NUTM2E: variants seen among roughly 807,000 people sequenced by gnomAD.
The protein encoded by NUTM2E is NUT family member 2E.
Under a neutral mutation model 26.1 loss-of-function variants are expected in NUTM2E, and 3 were observed. That is an observed-to-expected ratio of 0.12 (90% CI 0.05 to 0.30). The LOEUF (loss-of-function observed/expected upper bound fraction) is 0.30, where lower values mean the gene tolerates loss of function less well. Ranked by LOEUF, NUTM2E falls within the 10% of genes least tolerant of loss-of-function variation. The pLI, the probability that NUTM2E is intolerant of heterozygous loss-of-function variation, is 1.00. For missense variants in NUTM2E, 62 were observed against 381.3 expected (o/e 0.16, Z 6.97); for synonymous variants, 13 against 157.5 (o/e 0.08, Z 6.87).
chr10:79,831,330 T>C (rs1447380217), intron 1 of NUTM2E, among the ~76,000 whole-genome samples: 2 of 151,352 alleles, frequency 1.3e-5, no homozygotes. Flanking sequence ...CATTATATAC[T>C]TAAAATACTT....
chr10:79,836,924 C>T (rs186599868), intron 1 of NUTM2E, among the ~76,000 whole-genome samples: 152 of 152,008 alleles, frequency 1.0e-3, no homozygotes, highest in African/African-American at 3.5e-3. Flanking sequence ...TACTCTCCCA[C>T]CTGCAAGAAA....
At chr10:79,827,978 A>G (rs1202767238) in intron 1 of NUTM2E, among the ~76,000 whole-genome samples, 2 of 151,224 alleles carry the variant, frequency 1.3e-5, no homozygotes, top group African/African-American at 4.9e-5. Flanking sequence ...TGTTTTTATT[A>G]GAGACGGGGT....
chr10:79,831,148 T>G (rs1174925897), intron 1 of NUTM2E, among the ~76,000 whole-genome samples: 1 of 151,744 alleles, frequency 6.6e-6, no homozygotes, highest in Non-Finnish European at 1.5e-5. Flanking sequence ...TGCTAAACTA[T>G]TCAGAAAGAA....
rs4508150 is a variant in NUTM2E, at chr10:79,841,063, C to G, written c.-678C>G. Among the ~76,000 whole-genome samples, 19,382 of 73,430 alleles carry G rather than the reference C, an allele frequency of 0.26. 2,311 individuals carry two copies. Among genetic ancestry groups the G allele is most frequent in the Middle Eastern group, 0.34 (35 of 102 alleles). The allele number at this position is 73,430 out of a possible 152,430, so 48.2% of individuals were successfully genotyped here. On this transcript the variant is annotated 5_prime_UTR_variant, in exon 4 of 10. Transcript: ENST00000429984. Reference sequence around the variant, plus strand: ...ATGCAGAGAACCACATGCCATGACACTGGATTCCAAACAGCAAGAACGTAT... The same window carrying G: ...ATGCAGAGAACCACATGCCATGACAGTGGATTCCAAACAGCAAGAACGTAT...
intron 1 of NUTM2E, among the ~76,000 whole-genome samples, chr10:79,828,753 C>T (rs1372964726): frequency 6.6e-6 from 1 of 151,806 alleles, no homozygotes; most frequent in Non-Finnish European, 1.5e-5. Context: ...TATACATATC[C>T]TTCCCATGAG....
chr10:79,847,871 G>T, intron 6 of NUTM2E, 60 bp from the exon 7 acceptor site: 1 of 329,882 alleles, frequency 3.0e-6, no homozygotes. Context: ...GCCGCTGCCT[G>T]GTCCTGCGGG....
At chr10:79,845,882 C>T (rs2132422456) in intron 5 of NUTM2E, among the ~76,000 whole-genome samples, 1 of 45,066 alleles carries the variant, frequency 2.2e-5, no homozygotes, top group East Asian at 3.4e-4. Context: ...GCCCCATTTT[C>T]ATCCCCCAAA....
At chr10:79,837,421 A>C (rs1328202371) in intron 1 of NUTM2E, among the ~76,000 whole-genome samples, 1 of 152,144 alleles carries the variant, frequency 6.6e-6, no homozygotes, top group Non-Finnish European at 1.5e-5. Context: ...CAACTTTTTC[A>C]AATTCATAAT....
intron 1 of NUTM2E, among the ~76,000 whole-genome samples, chr10:79,835,301 G>A (rs1841956888): frequency 6.6e-6 from 1 of 151,174 alleles, no homozygotes; most frequent in Admixed American, 6.6e-5. Flanking sequence ...TATAAAACAG[G>A]GAATAATAAT....
intron 9 of NUTM2E, 23 bp downstream of exon 9, chr10:79,849,510 C>A: frequency 4.6e-6 from 2 of 435,566 alleles, no homozygotes; most frequent in Non-Finnish European, 7.7e-6. Flanking sequence ...CAGGAGGGAC[C>A]TGGCACACAA....
intron 1 of NUTM2E, among the ~76,000 whole-genome samples, chr10:79,829,213 A>T (rs1015129430): frequency 6.6e-6 from 1 of 151,696 alleles, no homozygotes; most frequent in African/African-American, 2.4e-5. Flanking sequence ...GACAGGGGTG[A>T]TATACTACAG....
chr10:79,833,989 A>G (rs867473963), intron 1 of NUTM2E, among the ~76,000 whole-genome samples: 1 of 151,958 alleles, frequency 6.6e-6, no homozygotes. Flanking sequence ...AGACTGGATA[A>G]AGAAAATGTG....
At chr10:79,830,517 GTAA>G (rs1178373290) in intron 1 of NUTM2E, among the ~76,000 whole-genome samples, 27 of 151,810 alleles carry the variant, frequency 1.8e-4, no homozygotes, top group Admixed American at 8.5e-4. Context: ...GTCAATGAAA[GTAA>G]TAATAATTCC....
At chr10:79,831,047 CTCTT>C (rs897322518) in intron 1 of NUTM2E, among the ~76,000 whole-genome samples, 21 of 151,788 alleles carry the variant, frequency 1.4e-4, no homozygotes, top group African/African-American at 2.9e-4. Context: ...GTTTTTTATT[CTCTT>C]TGTTTTTCAA....
At chr10:79,847,811 T>C (rs1842030415) in intron 6 of NUTM2E, 120 bp from the exon 7 acceptor site, 1 of 395,578 alleles carries the variant, frequency 2.5e-6, no homozygotes, top group Non-Finnish European at 4.8e-6. Flanking sequence ...TGGGACACAG[T>C]GAGGGCCTGG....
At position 79,850,731 on chromosome 10, in the gene NUTM2E, TAGGGGAGGG is replaced by T; in HGVS notation, c.*137_*145del. 1 of 161,794 alleles carries T rather than the reference TAGGGGAGGG, an allele frequency of 6.2e-6. No homozygotes were observed. The highest frequency in any genetic ancestry group is 1.3e-5 in the Non-Finnish European group (1 of 78,776). 10.0% of individuals were successfully genotyped at this position (161,794 alleles called of 1,614,324 possible). ...CTTGCTGGGCCTTAGCTTTGGAGGG[TAGGGGAGGG>T]AGGGGAGGGAGAGGGTGGCTGAATG... is the stretch of plus-strand genomic sequence containing the variant. On this transcript the variant is annotated 3_prime_UTR_variant, in exon 10 of 10. Transcript: ENST00000429984.
At chr10:79,830,435 A>C (rs1458123669) in intron 1 of NUTM2E, among the ~76,000 whole-genome samples, 2 of 151,800 alleles carry the variant, frequency 1.3e-5, no homozygotes, top group Non-Finnish European at 1.5e-5. Context: ...GTATCATGGA[A>C]GAGAGGATAG....
intron 1 of NUTM2E, among the ~76,000 whole-genome samples, chr10:79,830,795 T>C (rs1841922962): frequency 6.6e-6 from 1 of 151,754 alleles, no homozygotes; most frequent in Admixed American, 6.6e-5. Context: ...ATAAACAGAG[T>C]TCATAAGTCT....
rs544875732 is a variant in NUTM2E, at chr10:79,840,695, C to T, written c.-1046C>T. Among the ~76,000 whole-genome samples, 27 of 151,424 alleles carry T rather than the reference C, an allele frequency of 1.8e-4. 1 individual carries two copies. In the South Asian group the frequency reaches 2.9e-3, roughly 17 times the overall value. ...CTGCCTTCTTGAGTCCAAGTGTCTT[C>T]GAAAGGGCAAATGCTTCGTAAGTGC... On this transcript the variant is annotated 5_prime_UTR_variant, in exon 4 of 10. The change creates a premature stop within an existing upstream ORF in the 5' untranslated region. Coordinates refer to ENST00000429984, the MANE Select transcript of NUTM2E (RefSeq NM_001355263.2).
Sources: allele counts gnomAD v4.1 joint callset (sites outside exome capture counted in the v4.1 genomes callset), GRCh38; gene constraint gnomAD v4.1.1; transcripts MANE v1.5; gene names NCBI Gene and HGNC (gene_info 2026-07-23, HGNC 2026-07-21).